Variants in EYS observed in about 807,000 individuals in gnomAD.
The protein encoded by EYS is EGF-like photoreceptor maintenance factor.
Under a neutral mutation model 282.1 loss-of-function variants are expected in EYS, and 250 were observed. That is an observed-to-expected ratio of 0.89 (90% CI 0.80 to 0.98). EYS has a LOEUF of 0.98. Ranked by LOEUF, EYS falls within the 50% of genes least tolerant of loss-of-function variation. The pLI is 0.00. For synonymous variants in EYS, 1,355 were observed against 1,282.9 expected (o/e 1.06, Z -1.20); for missense variants, 4,016 against 3,709.0 (o/e 1.08, Z -2.15).
rs146981878 is a variant in EYS at position 64,834,742 on chromosome 6, T to C, written c.2993-11920A>G. ...TTAAAAATACTAAGTCTCTATAATG[T>C]TTAATTTTAAAGACCAGGTGAAATA... On this transcript the variant is annotated intron_variant, in intron 19 of 42. Coordinates refer to ENST00000503581, the MANE Select transcript of EYS (RefSeq NM_001142800.2). 5.7e-4 allele frequency among the ~76,000 whole-genome samples: 87 copies of C among 151,976 alleles called. 2 individuals carry two copies. In the East Asian group the frequency reaches 0.017, roughly 29 times the overall value.
chr6:64,056,706 G>T (rs1159073170), intron 33 of EYS, among the ~76,000 whole-genome samples: 3 of 152,164 alleles, frequency 2.0e-5, no homozygotes, highest in African/African-American at 7.2e-5. Flanking sequence ...CTCAGGGCAT[G>T]GTTGAGTCTA....
intron 33 of EYS, among the ~76,000 whole-genome samples, chr6:64,018,428 T>C (rs1348424450): frequency 6.6e-6 from 1 of 152,176 alleles, no homozygotes; most frequent in Non-Finnish European, 1.5e-5. Context: ...TCTTTAAATA[T>C]CTGCATTAAG....
chr6:64,818,447 G>GT (rs1764805089), intron 21 of EYS, among the ~76,000 whole-genome samples: 1 of 152,130 alleles, frequency 6.6e-6, no homozygotes, highest in African/African-American at 2.4e-5. Flanking sequence ...TTATTAAGGA[G>GT]TACTGACTCA....
At chr6:65,012,020 G>A (rs1202934233) in intron 13 of EYS, among the ~76,000 whole-genome samples, 1 of 152,102 alleles carries the variant, frequency 6.6e-6, no homozygotes, top group Non-Finnish European at 1.5e-5. Flanking sequence ...TTTTCTTTCT[G>A]GTACCCTGGA....
intron 29 of EYS, among the ~76,000 whole-genome samples, chr6:64,342,505 A>T (rs1049494790): frequency 6.6e-6 from 1 of 151,998 alleles, no homozygotes; most frequent in Non-Finnish European, 1.5e-5. Context: ...CTTTACAAAC[A>T]AGCAAATGCT....
intron 31 of EYS, among the ~76,000 whole-genome samples, chr6:64,127,310 T>A (rs185512697): frequency 6.6e-6 from 1 of 152,148 alleles, no homozygotes; most frequent in East Asian, 1.9e-4. Flanking sequence ...TAAGTGACTT[T>A]TCAAATGGTA....
rs958734685 is a variant in EYS, at chr6:64,306,978, G to T, written c.6183C>A (p.Asn2061Lys). 2.0e-6 allele frequency: 3 copies of T among 1,473,280 alleles called. No homozygotes were observed. The highest frequency in any genetic ancestry group is 2.0e-5 in the Admixed American group (1 of 50,408). The allele number at this position is 1,473,280 out of a possible 1,614,324, so 91.3% of individuals were successfully genotyped here. ...CACTACTGCTATTTTACCTGCAATT[G>T]TTAATGTGATAGTTTTTCACTGCCT... Reference protein sequence around the residue: ...PSKAVKNYHINNCRSQGFMLS... With the variant: ...PSKAVKNYHIKNCRSQGFMLS... Residue 2061 changes from asparagine to lysine, a missense_variant, in exon 30 of 43, where the codon AAC becomes AAA. Transcript: ENST00000503581.
At chr6:64,894,933 G>C (rs2181545) in intron 18 of EYS, among the ~76,000 whole-genome samples, 115,856 of 151,958 alleles carry the variant, frequency 0.76, 44,473 homozygotes, top group South Asian at 0.8. Context: ...TTAGTAATAG[G>C]ACAATTTTTA....
intron 36 of EYS, among the ~76,000 whole-genome samples, chr6:63,860,580 C>T (rs1772509234): frequency 6.6e-6 from 1 of 152,218 alleles, no homozygotes; most frequent in African/African-American, 2.4e-5. Context: ...ACAAGTTGCC[C>T]ACAGTGATGT....
At chr6:64,393,198 A>T (rs1561968718) in intron 28 of EYS, among the ~76,000 whole-genome samples, 1 of 152,196 alleles carries the variant, frequency 6.6e-6, no homozygotes, top group African/African-American at 2.4e-5. Context: ...ATTCTACCAT[A>T]GGTACAAGGA....
intron 12 of EYS, among the ~76,000 whole-genome samples, chr6:65,175,121 G>T (rs1765194957): frequency 6.6e-6 from 1 of 151,222 alleles, no homozygotes. Flanking sequence ...TCTGAAAAGG[G>T]TAATACAGTT....
At chr6:65,097,804 A>AT (rs1774781572) in intron 12 of EYS, among the ~76,000 whole-genome samples, 2 of 131,740 alleles carry the variant, frequency 1.5e-5, no homozygotes, top group Admixed American at 1.4e-4. Context: ...AAATAAAATA[A>AT]AAAAAAAAAC....
Position 65,365,258 on chromosome 6 carries a change from T to C in EYS, c.1300-11641A>G, listed in dbSNP as rs112070338. ...CAACAACCAACAAAAAACTCACTCA[T>C]ATTTTTCCAGGACCTAGGAGGATTC... On this transcript the variant is annotated intron_variant, in intron 8 of 42. Transcript: ENST00000503581. Among the ~76,000 whole-genome samples, 558 of 151,874 alleles carry C rather than the reference T, an allele frequency of 3.7e-3. 5 individuals are homozygous for C. The highest frequency in any genetic ancestry group is 0.01 in the Middle Eastern group (3 of 294).
At chr6:64,458,085 C>T (rs950895516) in intron 26 of EYS, among the ~76,000 whole-genome samples, 22 of 151,884 alleles carry the variant, frequency 1.4e-4, no homozygotes, top group African/African-American at 5.3e-4. Context: ...CATTTACGGC[C>T]CACATTGTAA....
At chr6:65,142,907 A>G (rs1184469325) in intron 12 of EYS, among the ~76,000 whole-genome samples, 1 of 152,076 alleles carries the variant, frequency 6.6e-6, no homozygotes, top group Non-Finnish European at 1.5e-5. Context: ...TCTTTTATGA[A>G]TGAAGCAAAT....
chr6:63,741,855 T>C (rs1769082971), intron 41 of EYS: 1 of 699,132 alleles, frequency 1.4e-6, no homozygotes, highest in East Asian at 2.7e-5. Flanking sequence ...TAGAAAGCTG[T>C]ACTAGGGTAG....
At chr6:64,841,322 A>G (rs1390592166) in intron 19 of EYS, among the ~76,000 whole-genome samples, 1 of 152,288 alleles carries the variant, frequency 6.6e-6, no homozygotes, top group East Asian at 1.9e-4. Context: ...ATAAATGTTA[A>G]GGTAAATTTA....
chr6:63,770,582 T>C (rs1390424525), intron 40 of EYS, among the ~76,000 whole-genome samples: 2 of 152,164 alleles, frequency 1.3e-5, no homozygotes, highest in East Asian at 1.9e-4. Context: ...TTCTCTGCTC[T>C]TTAAAGAAAA....
At chr6:65,009,327 T>G in intron 13 of EYS, among the ~76,000 whole-genome samples, 1 of 151,836 alleles carries the variant, frequency 6.6e-6, no homozygotes, top group East Asian at 1.9e-4. Context: ...ATTTTAGGAG[T>G]AAAGAAACCC....
Sources: gnomAD v4.1 joint callset for allele counts (sites outside exome capture counted in the v4.1 genomes callset) on GRCh38, gnomAD v4.1.1 for gene constraint, MANE v1.5 for transcripts, NCBI Gene and HGNC (gene_info 2026-07-23, HGNC 2026-07-21) for gene names.